CFAP97D2: variants seen among roughly 807,000 people sequenced by gnomAD.
The protein encoded by CFAP97D2 is uncharacterized protein CFAP97D2.
chr13:114,218,269 A>G (rs1185737870), intron 4 of CFAP97D2, among the ~76,000 whole-genome samples: 3 of 152,240 alleles, frequency 2.0e-5, no homozygotes, highest in Non-Finnish European at 4.4e-5. Flanking sequence ...GTGAACTCCC[A>G]TTCACAATTG....
At chr13:114,214,270 G>A (rs1381070798) in intron 4 of CFAP97D2, 1 of 150,842 alleles carries the variant, frequency 6.6e-6, no homozygotes, top group East Asian at 1.9e-4. Context: ...GAATCCCGAA[G>A]AGTGAAGAGA....
In CFAP97D2 at chr13:114,182,068, T is replaced by C. The variant is rs367590697; in HGVS notation, c.90+2648T>C. ...TACCAAGGACCTGCACCAGCACCGG[T>C]CTCTGAGTTCCCTCAGTTTTTATTG... On this transcript the variant is annotated intron_variant, in intron 1 of 4. Transcript: ENST00000646158. Among the ~76,000 whole-genome samples, 1,268 of 152,016 alleles carry C rather than the reference T, an allele frequency of 8.3e-3. 9 individuals are homozygous for C. Among genetic ancestry groups the C allele is most frequent in the Middle Eastern group, 0.017 (5 of 292 alleles).
chr13:114,217,244 T>C (rs1227496440), intron 4 of CFAP97D2, among the ~76,000 whole-genome samples: 12 of 152,158 alleles, frequency 7.9e-5, no homozygotes, highest in African/African-American at 2.2e-4. Context: ...GAGAATACTA[T>C]AAACACCTCT....
intron 2 of CFAP97D2, 85 bp downstream of exon 2, chr13:114,196,561 G>A (rs1259109540): frequency 2.5e-6 from 1 of 397,622 alleles, no homozygotes; most frequent in African/African-American, 2.1e-5. Context: ...AAAAGGCAGG[G>A]TTAGTAAGGA....
Position 114,186,357 on chromosome 13 carries a change from C to T in CFAP97D2, c.90+6937C>T, listed in dbSNP as rs11843322. On this transcript the variant is annotated intron_variant, in intron 1 of 4. Transcript: ENST00000646158. This position sits in a 1 kb window ranked among gnomAD's most constrained non-coding sequence, Gnocchi z 4.3. ...AGAGGAGCTGCCCACTGTGGGTCTCCTCTGAGCTGTTCTATTGTTCAGTAA... is the reference window on the plus strand; with the variant it reads ...AGAGGAGCTGCCCACTGTGGGTCTCTTCTGAGCTGTTCTATTGTTCAGTAA... Among the ~76,000 whole-genome samples, 12,053 of 152,216 alleles carry T rather than the reference C, an allele frequency of 0.079. 849 individuals are homozygous for T. Among genetic ancestry groups the T allele is most frequent in the African/African-American group, 0.2 (8,127 of 41,490 alleles).
Position 114,185,574 on chromosome 13 carries a change from C to T in CFAP97D2, c.90+6154C>T, listed in dbSNP as rs1046475171. Reference sequence around the variant, plus strand: ...TGTGTGGTTCTGCACTCTCAGGAGCCCAGGAAGGCCCCCTGTCTCCCCGCA... The same window carrying T: ...TGTGTGGTTCTGCACTCTCAGGAGCTCAGGAAGGCCCCCTGTCTCCCCGCA... On this transcript the variant is annotated intron_variant, in intron 1 of 4. Transcript: ENST00000646158. The surrounding 1 kb of genome is among the most constrained non-coding windows in gnomAD (Gnocchi z 5.2). Among the ~76,000 whole-genome samples the T allele has an allele frequency of 6.6e-6, 1 of 152,210 alleles. No homozygotes were observed. The highest frequency in any genetic ancestry group is 1.5e-5 in the Non-Finnish European group (1 of 68,028).
At chr13:114,217,849 T>A (rs1487615260) in intron 4 of CFAP97D2, among the ~76,000 whole-genome samples, 5 of 152,320 alleles carry the variant, frequency 3.3e-5, no homozygotes, top group African/African-American at 1.2e-4. Flanking sequence ...AAACTCTCAA[T>A]AAATTCGGTA....
In CFAP97D2 at chr13:114,182,331, G is replaced by A. The variant is rs140431434; in HGVS notation, c.90+2911G>A. ...CAAACATGTCTCGCCTCCCGCCATA[G>A]GGCTGTTTTTCTCCTATCTCAGAAT... On this transcript the variant is annotated intron_variant, in intron 1 of 4. Coordinates refer to ENST00000646158, the Ensembl canonical transcript of CFAP97D2. Among the ~76,000 whole-genome samples, 98 of 152,100 alleles carry A rather than the reference G, an allele frequency of 6.4e-4. 2 individuals are homozygous for A. In the East Asian group the frequency reaches 7.3e-3, roughly 11 times the overall value.
At chr13:114,212,674 C>A (rs2080972836) in intron 4 of CFAP97D2, among the ~76,000 whole-genome samples, 1 of 152,000 alleles carries the variant, frequency 6.6e-6, no homozygotes, top group African/African-American at 2.4e-5. Context: ...ACAGTGAAAC[C>A]CTGTCTCTAC....
chr13:114,220,914 C>G (rs2138793011), intron 4 of CFAP97D2, among the ~76,000 whole-genome samples: 1 of 152,318 alleles, frequency 6.6e-6, no homozygotes, highest in East Asian at 1.9e-4. Flanking sequence ...GACCTCACGT[C>G]AGGGTTAAGT....
At chr13:114,214,071 A>AC (rs1293640931) in intron 4 of CFAP97D2, 1 of 152,584 alleles carries the variant, frequency 6.6e-6, no homozygotes, top group Non-Finnish European at 1.5e-5. Context: ...AGAACCACAG[A>AC]CCCCAACCCC....
intron 1 of CFAP97D2, among the ~76,000 whole-genome samples, chr13:114,193,375 G>C (rs1377012768): frequency 6.6e-6 from 1 of 152,172 alleles, no homozygotes; most frequent in African/African-American, 2.4e-5. Flanking sequence ...GCCCAGACTG[G>C]GTAATTTATA....
At chr13:114,209,171 C>T (rs1164016802) in intron 3 of CFAP97D2, among the ~76,000 whole-genome samples, 1 of 152,236 alleles carries the variant, frequency 6.6e-6, no homozygotes, top group African/African-American at 2.4e-5. Context: ...GCCGTGAGGA[C>T]CACAGTGAAA....
exon 3 of CFAP97D2, chr13:114,200,373 C>T (rs2080911954): frequency 5.0e-6 from 2 of 398,564 alleles, no homozygotes; most frequent in African/African-American, 4.1e-5. Flanking sequence ...CCGCCTGCTC[C>T]TGGAGAAGGT....
At chr13:114,182,396 G>A (rs545838166) in intron 1 of CFAP97D2, among the ~76,000 whole-genome samples, 8 of 152,208 alleles carry the variant, frequency 5.3e-5, no homozygotes, top group Non-Finnish European at 1.2e-4. Flanking sequence ...GAGACATTCA[G>A]TTCCCAGGGG....
At chr13:114,182,126 A>C (rs9590470) in intron 1 of CFAP97D2, among the ~76,000 whole-genome samples, 3 of 144,724 alleles carry the variant, frequency 2.1e-5, no homozygotes, top group African/African-American at 7.7e-5. Context: ...CAAAAAGGAA[A>C]GTAGTAGGAG....
rs546912516 is a variant in CFAP97D2 at position 114,189,077 on chromosome 13, CTA to C, written c.91-7317_91-7316del. ...ATATGTAATAATATAACTATAATAA[CTA>C]TGTTATAATATAACTATATTAGTAA... On this transcript the variant is annotated intron_variant, in intron 1 of 4. Transcript: ENST00000646158. The surrounding 1 kb of genome is among the most constrained non-coding windows in gnomAD (Gnocchi z 4.5). 1.9e-4 allele frequency among the ~76,000 whole-genome samples: 28 copies of C among 147,900 alleles called. No individual in the cohort carries two copies. In the South Asian group the frequency reaches 4.6e-3, roughly 25 times the overall value.
At chr13:114,214,251 T>A (rs1030424846) in intron 4 of CFAP97D2, 4 of 133,466 alleles carry the variant, frequency 3.0e-5, no homozygotes, top group Non-Finnish European at 6.2e-5. Flanking sequence ...TTGCTGGACA[T>A]CTCTTATAGA....
In CFAP97D2 at chr13:114,187,530, T is replaced by C. The variant is rs2080856188; in HGVS notation, c.90+8110T>C. 6.6e-6 allele frequency among the ~76,000 whole-genome samples: 1 copy of C among 152,072 alleles called. No individual in the cohort carries two copies. On this transcript the variant is annotated intron_variant, in intron 1 of 4. Coordinates refer to ENST00000646158, the Ensembl canonical transcript of CFAP97D2. The surrounding 1 kb of genome is among the most constrained non-coding windows in gnomAD (Gnocchi z 4.2). ...AAACAAGGAAAGTTAAAGGGAACGA[T>C]AAAATGGGGTCGATTCTCCAAAAAG...
Sources: gnomAD v4.1 joint callset for allele counts (sites outside exome capture counted in the v4.1 genomes callset) on GRCh38, gnomAD v4.1.1 for gene constraint, Gnocchi (gnomAD v3.1) non-coding constraint, MANE v1.5 for transcripts, NCBI Gene and HGNC (gene_info 2026-07-23, HGNC 2026-07-21) for gene names.